Variants in PLCH1 observed in about 807,000 individuals in gnomAD.
The protein encoded by PLCH1 is phospholipase C eta 1.
Under a neutral mutation model 126.7 loss-of-function variants are expected in PLCH1, and 60 were observed. That is an observed-to-expected ratio of 0.47 (90% CI 0.38 to 0.59). The LOEUF is 0.59. Among genes scored for constraint, PLCH1 ranks in the 20% least tolerant of loss-of-function variants. The probability of loss-of-function intolerance (pLI) is 0.00; values close to 1 mark genes in which losing one functional copy is unlikely to be tolerated. For missense variants in PLCH1, 1,723 were observed against 2,040.0 expected (o/e 0.84, Z 2.99); for synonymous variants, 719 against 734.9 (o/e 0.98, Z 0.35).
intron 10 of PLCH1, among the ~76,000 whole-genome samples, chr3:155,528,280 C>G: frequency 6.8e-6 from 1 of 147,318 alleles, no homozygotes; most frequent in East Asian, 2.0e-4. Context: ...TCATTAATAA[C>G]AAGGCAGCTC....
rs1745194383 is a variant in PLCH1, at chr3:155,689,259, C to A, written c.79+14887G>T. 3.9e-5 allele frequency among the ~76,000 whole-genome samples: 6 copies of A among 152,288 alleles called. No homozygotes were observed. In the South Asian group the frequency reaches 1.2e-3, roughly 32 times the overall value. ...CTGAAAAAAACACAGCATTATTGGA[C>A]TTGGGACCCAAGTCTCTTTTAATAC... On this transcript the variant is annotated intron_variant, in intron 2 of 22. Coordinates refer to ENST00000460012, the MANE Select transcript of PLCH1 (RefSeq NM_014996.4).
intron 21 of PLCH1, among the ~76,000 whole-genome samples, chr3:155,467,269 A>T (rs968560003): frequency 6.6e-6 from 1 of 152,040 alleles, no homozygotes; most frequent in African/African-American, 2.4e-5. Flanking sequence ...AAAAAAAATA[A>T]AAAAGATAAA....
At chr3:155,498,405 C>T (rs560903854) in intron 14 of PLCH1, among the ~76,000 whole-genome samples, 8 of 152,270 alleles carry the variant, frequency 5.3e-5, no homozygotes, top group Non-Finnish European at 7.4e-5. Context: ...CTCATGATGA[C>T]GTGGGGACTA....
At chr3:155,567,261 T>A (rs1560178799) in intron 7 of PLCH1, among the ~76,000 whole-genome samples, 1 of 151,914 alleles carries the variant, frequency 6.6e-6, no homozygotes, top group Non-Finnish European at 1.5e-5. Flanking sequence ...TTAGTAGAGA[T>A]GGGGTTTCAC....
At chr3:155,691,334 G>A (rs965093101) in intron 2 of PLCH1, among the ~76,000 whole-genome samples, 2 of 152,156 alleles carry the variant, frequency 1.3e-5, no homozygotes, top group Non-Finnish European at 2.9e-5. Flanking sequence ...GATCCCTCAA[G>A]AATATTCTAA....
chr3:155,694,213 T>C (rs550811005), intron 2 of PLCH1, among the ~76,000 whole-genome samples: 85 of 152,278 alleles, frequency 5.6e-4, no homozygotes, highest in African/African-American at 1.9e-3. Context: ...CAAAATCTAA[T>C]TGGCTGCCCA....
At chr3:155,462,961 G>A (rs2107975004) in intron 21 of PLCH1, among the ~76,000 whole-genome samples, 1 of 152,304 alleles carries the variant, frequency 6.6e-6, no homozygotes, top group East Asian at 1.9e-4. Flanking sequence ...AAAGTAGATA[G>A]GAAAGATATC....
intron 2 of PLCH1, among the ~76,000 whole-genome samples, chr3:155,699,375 C>T (rs576864971): frequency 6.6e-6 from 1 of 152,322 alleles, no homozygotes; most frequent in African/African-American, 2.4e-5. Flanking sequence ...CTGCGCCCAG[C>T]CTGATACTTT....
intron 2 of PLCH1, among the ~76,000 whole-genome samples, chr3:155,681,261 T>C (rs942250318): frequency 1.3e-5 from 2 of 152,196 alleles, no homozygotes; most frequent in African/African-American, 4.8e-5. Flanking sequence ...TTCCCACTAA[T>C]ATAATATGGA....
chr3:155,706,729 A>C (rs1746702827), intron 1 of PLCH1, among the ~76,000 whole-genome samples: 1 of 152,162 alleles, frequency 6.6e-6, no homozygotes, highest in South Asian at 2.1e-4. Context: ...TCTAACAATA[A>C]AATCAGCTGG....
At chr3:155,733,803 G>A in intron 1 of PLCH1, among the ~76,000 whole-genome samples, 1 of 151,550 alleles carries the variant, frequency 6.6e-6, no homozygotes, top group South Asian at 2.1e-4. Flanking sequence ...CTGATAAGGG[G>A]TTAATATTCA....
intron 7 of PLCH1, among the ~76,000 whole-genome samples, chr3:155,565,614 T>C (rs890452785): frequency 3.3e-5 from 5 of 152,124 alleles, no homozygotes; most frequent in African/African-American, 1.2e-4. Flanking sequence ...ACCTGTAGAA[T>C]GTGAGCCAAT....
chr3:155,609,672 G>A (rs374455535), intron 2 of PLCH1, among the ~76,000 whole-genome samples: 1 of 151,952 alleles, frequency 6.6e-6, no homozygotes, highest in Non-Finnish European at 1.5e-5. Context: ...TGAAAAATTT[G>A]CCAGACAAAT....
chr3:155,511,483 G>C (rs1025083796), intron 12 of PLCH1, among the ~76,000 whole-genome samples: 12 of 108,042 alleles, frequency 1.1e-4, no homozygotes, highest in Non-Finnish European at 1.7e-4. Flanking sequence ...CATCTTTGTG[G>C]TTTTATCTAC....
At chr3:155,526,489 T>TACACACACACACACAC (rs35144196) in intron 10 of PLCH1, among the ~76,000 whole-genome samples, 42 of 126,660 alleles carry the variant, frequency 3.3e-4, no homozygotes, top group African/African-American at 1.1e-3. Context: ...CTCTCTCTCA[T>TACACACACACACACAC]ACACACACAC....
At chr3:155,709,037 A>G (rs1443879928) in intron 1 of PLCH1, among the ~76,000 whole-genome samples, 1 of 152,156 alleles carries the variant, frequency 6.6e-6, no homozygotes, top group Non-Finnish European at 1.5e-5. Flanking sequence ...CACACAGTAC[A>G]TAGCCTTTTC....
chr3:155,663,742 G>GA (rs1203510060), intron 2 of PLCH1, among the ~76,000 whole-genome samples: 1 of 152,108 alleles, frequency 6.6e-6, no homozygotes, highest in East Asian at 1.9e-4. Flanking sequence ...TTAGCTCCAT[G>GA]AACTTCCCCT....
chr3:155,576,943 G>T (rs897446877), intron 6 of PLCH1, among the ~76,000 whole-genome samples: 2 of 152,164 alleles, frequency 1.3e-5, no homozygotes, highest in Admixed American at 6.6e-5. Flanking sequence ...AAATGTTATA[G>T]ATTGTAAAAC....
intron 2 of PLCH1, among the ~76,000 whole-genome samples, chr3:155,671,038 C>T (rs1008614574): frequency 6.6e-6 from 1 of 152,164 alleles, no homozygotes; most frequent in Non-Finnish European, 1.5e-5. Context: ...CAAAAACAGG[C>T]AATCGATTGC....
Sources: gnomAD v4.1 joint callset for allele counts (sites outside exome capture counted in the v4.1 genomes callset) on GRCh38, gnomAD v4.1.1 for gene constraint, MANE v1.5 for transcripts, NCBI Gene and HGNC (gene_info 2026-07-23, HGNC 2026-07-21) for gene names.